TRMT9B: variants seen among roughly 807,000 people sequenced by gnomAD.
TRMT9B encodes the protein probable tRNA methyltransferase 9B.
A neutral mutation model predicts 11.5 loss-of-function variants in TRMT9B; 16 were observed. The ratio of observed to expected loss-of-function variants is 1.39; its 90% CI spans 0.94 to 2.11. The LOEUF (loss-of-function observed/expected upper bound fraction) is 2.11. Ranked by LOEUF, TRMT9B falls within the 30% of genes most tolerant of loss-of-function variation. The pLI is 0.00. For missense variants in TRMT9B, 941 were observed against 553.8 expected (o/e 1.70, Z -7.02); for synonymous variants, 274 against 192.4 (o/e 1.42, Z -3.51).
At chr8:12,972,845 C>G (rs760719719) in intron 1 of TRMT9B, among the ~76,000 whole-genome samples, 1 of 152,108 alleles carries the variant, frequency 6.6e-6, no homozygotes, top group Non-Finnish European at 1.5e-5. Flanking sequence ...AATATAAAAA[C>G]GACCATTTAA....
At chr8:12,955,559 G>T (rs1801187435) in intron 1 of TRMT9B, among the ~76,000 whole-genome samples, 1 of 152,120 alleles carries the variant, frequency 6.6e-6, no homozygotes, top group Non-Finnish European at 1.5e-5. Context: ...TGCAGCCTAT[G>T]AACTTCTTGT....
chr8:13,008,880 C>T lies in TRMT9B; in HGVS notation c.154+2524C>T, dbSNP rs573282241. 1.4e-4 allele frequency among the ~76,000 whole-genome samples: 22 copies of T among 152,240 alleles called. No homozygotes were observed. The East Asian group carries it at 4.3e-3, about 29-fold the overall frequency. Reference sequence around the variant, plus strand: ...AGTAGCTGGGACTACAGTTGCCCGCCACCACGCCCAGCTAATTTTTTGTAT... The same window carrying T: ...AGTAGCTGGGACTACAGTTGCCCGCTACCACGCCCAGCTAATTTTTTGTAT... On this transcript the variant is annotated intron_variant, in intron 3 of 4. Transcript: ENST00000524591.
intron 1 of TRMT9B, among the ~76,000 whole-genome samples, chr8:12,968,795 G>T (rs552134208): frequency 1.3e-5 from 2 of 152,182 alleles, no homozygotes; most frequent in Admixed American, 6.5e-5. Flanking sequence ...CAGTATGGTG[G>T]GTAGAGAGCC....
At chr8:12,974,441 C>T (rs1563339702) in intron 1 of TRMT9B, among the ~76,000 whole-genome samples, 1 of 152,162 alleles carries the variant, frequency 6.6e-6, no homozygotes, top group South Asian at 2.1e-4. Flanking sequence ...ACCTGGAGAG[C>T]ATTTACTTAC....
chr8:13,025,793 T>G lies in TRMT9B; in HGVS notation c.*3749T>G, dbSNP rs1029203198. ...TCTCTTTTCTCATCATAGATCTCCG[T>G]GCAGAATAGTGCTAATTCTTATTTC... is the stretch of plus-strand genomic sequence containing the variant. On this transcript the variant is annotated 3_prime_UTR_variant, in exon 5 of 5. Coordinates refer to ENST00000524591, the MANE Select transcript of TRMT9B (RefSeq NM_020844.3). 1 of 166,962 alleles carries G rather than the reference T, an allele frequency of 6.0e-6. No individual in the cohort carries two copies. The highest frequency in any genetic ancestry group is 2.4e-5 in the African/African-American group (1 of 41,460). 10.3% of individuals were successfully genotyped at this position (166,962 alleles called of 1,614,324 possible).
intron 4 of TRMT9B, among the ~76,000 whole-genome samples, chr8:13,018,904 G>A (rs1055273245): frequency 4.6e-5 from 7 of 152,244 alleles, no homozygotes; most frequent in Admixed American, 4.6e-4. Context: ...TCACCAACAA[G>A]AAGCACAAAC....
intron 3 of TRMT9B, chr8:13,012,076 T>A: frequency 2.0e-6 from 2 of 985,448 alleles, no homozygotes; most frequent in Non-Finnish European, 2.4e-6. Context: ...CTATCTTTCT[T>A]GCCTTGGACC....
In TRMT9B at chr8:13,024,045, T is replaced by TC. The variant is rs1554543488; in HGVS notation, c.*2001_*2002insC. 4 of 137,614 alleles carry TC rather than the reference T, an allele frequency of 2.9e-5. No homozygotes were observed. The highest frequency in any genetic ancestry group is 1.2e-4 in the African/African-American group (4 of 33,894). 8.5% of individuals were successfully genotyped at this position (137,614 alleles called of 1,614,324 possible). On this transcript the variant is annotated 3_prime_UTR_variant, in exon 5 of 5. Transcript: ENST00000524591. ...TTAATTTGGTTTCTTCTATTTCTTTTTTTTTTTTTTTTTTTTGAGACAGAG... is the reference window on the plus strand; with the variant it reads ...TTAATTTGGTTTCTTCTATTTCTTTTCTTTTTTTTTTTTTTTTGAGACAGAG...
intron 3 of TRMT9B, chr8:13,007,689 A>G (rs1217663838): frequency 6.6e-6 from 1 of 152,202 alleles, no homozygotes; most frequent in Non-Finnish European, 1.5e-5. Flanking sequence ...TGGAGCTCTT[A>G]CCACGTATAA....
At chr8:12,966,590 C>T (rs150437380) in intron 1 of TRMT9B, among the ~76,000 whole-genome samples, 1 of 152,292 alleles carries the variant, frequency 6.6e-6, no homozygotes, top group African/African-American at 2.4e-5. Flanking sequence ...ATTGTTTAGC[C>T]ATGTGGCACA....
At chr8:12,951,148 C>G (rs1011184950) in intron 1 of TRMT9B, among the ~76,000 whole-genome samples, 1 of 152,122 alleles carries the variant, frequency 6.6e-6, no homozygotes, top group African/African-American at 2.4e-5. Context: ...TAAGTTCCAC[C>G]CCGCCTTCTG....
At chr8:13,014,339 C>T (rs140575076) in intron 4 of TRMT9B, among the ~76,000 whole-genome samples, 1 of 152,164 alleles carries the variant, frequency 6.6e-6, no homozygotes, top group Non-Finnish European at 1.5e-5. Context: ...TTATTTCTCA[C>T]CGTTCTGGAG....
chr8:12,952,666 A>T (rs527269647), intron 1 of TRMT9B: 1 of 984,332 alleles, frequency 1.0e-6, no homozygotes, highest in Non-Finnish European at 1.2e-6. Flanking sequence ...AAAGCTCACG[A>T]TGAAAATACA....
intron 4 of TRMT9B, among the ~76,000 whole-genome samples, chr8:13,018,355 T>C (rs1246559323): frequency 1.0e-4 from 15 of 143,328 alleles, no homozygotes; most frequent in Admixed American, 1.0e-3. Flanking sequence ...CAAGCTGAGA[T>C]GGAGCCACTA....
chr8:12,947,822 A>G (rs1256344143), intron 1 of TRMT9B, among the ~76,000 whole-genome samples: 1 of 152,200 alleles, frequency 6.6e-6, no homozygotes, highest in Non-Finnish European at 1.5e-5. Flanking sequence ...GACATGCTAG[A>G]TAGCTCCTTT....
chr8:12,975,452 C>CT (rs138828143), intron 1 of TRMT9B, among the ~76,000 whole-genome samples: 2,226 of 152,114 alleles, frequency 0.015, 60 homozygotes, highest in African/African-American at 0.05. Flanking sequence ...ATTGATGTTT[C>CT]TAGGGGAGGT....
Position 13,012,716 on chromosome 8 carries a change from A to G in TRMT9B, c.187A>G (p.Ser63Gly). Residue 63 changes from serine (S) to glycine (G), a missense_variant, in exon 4 of 5, where the codon AGC (serine) becomes GGC (glycine). Ser to Gly is a moderately conservative substitution (Grantham distance 56). Transcript: ENST00000524591. ...GACTGGAAAATATCTTAAAGTGAAC[A>G]GCCAGGTACATACCGTGGGCTGTGA... The part of the protein sequence containing the change: ...CGTGKYLKVN[S>G]QVHTVGCDYC... 6.2e-7 allele frequency: 1 copy of G among 1,613,514 alleles called. No individual in the cohort carries two copies. Among genetic ancestry groups the G allele is most frequent in the Non-Finnish European group, 8.5e-7 (1 of 1,179,650 alleles).
chr8:12,998,798 T>C (rs1322937669), intron 2 of TRMT9B, among the ~76,000 whole-genome samples: 1 of 152,222 alleles, frequency 6.6e-6, no homozygotes, highest in African/African-American at 2.4e-5. Flanking sequence ...CCTCAGAATA[T>C]TTTTACTATT....
At chr8:12,991,599 G>A (rs937907532) in intron 2 of TRMT9B, among the ~76,000 whole-genome samples, 1 of 152,038 alleles carries the variant, frequency 6.6e-6, no homozygotes, top group Non-Finnish European at 1.5e-5. Flanking sequence ...TTTCTTTTTA[G>A]TTATGAAAAA....
Sources: allele counts gnomAD v4.1 joint callset (sites outside exome capture counted in the v4.1 genomes callset), GRCh38; gene constraint gnomAD v4.1.1; transcripts MANE v1.5; gene names NCBI Gene and HGNC (gene_info 2026-07-23, HGNC 2026-07-21).